DNAH11: variants seen among roughly 807,000 people sequenced by gnomAD.
DNAH11 encodes the protein dynein axonemal heavy chain 11.
Under a neutral mutation model 526.0 loss-of-function variants are expected in DNAH11, and 442 were observed. The ratio of observed to expected loss-of-function variants is 0.84; its 90% CI spans 0.78 to 0.91. The LOEUF is 0.91. Ranked by LOEUF, DNAH11 falls within the 40% of genes least tolerant of loss-of-function variation. The probability of loss-of-function intolerance (pLI) is 0.00; values close to 1 mark genes in which losing one functional copy is unlikely to be tolerated. For synonymous variants in DNAH11, 2,461 were observed against 1,935.9 expected (o/e 1.27, Z -7.12); for missense variants, 6,989 against 5,448.7 (o/e 1.28, Z -8.90).
At chr7:21,645,334 A>G (rs1787306181) in intron 28 of DNAH11, among the ~76,000 whole-genome samples, 2 of 152,224 alleles carry the variant, frequency 1.3e-5, no homozygotes, top group Non-Finnish European at 2.9e-5. Context: ...TCTGGAAACA[A>G]CTAGAAAAGC....
intron 30 of DNAH11, among the ~76,000 whole-genome samples, chr7:21,679,867 A>T (rs959391523): frequency 2.0e-5 from 3 of 152,132 alleles, no homozygotes; most frequent in South Asian, 2.1e-4. Context: ...TTTCTTTTTT[A>T]AAAAATTTTA....
chr7:21,561,844 TAATA>T (rs1783471518), intron 5 of DNAH11, among the ~76,000 whole-genome samples: 1 of 152,198 alleles, frequency 6.6e-6, no homozygotes, highest in Non-Finnish European at 1.5e-5. Flanking sequence ...TGGTTTTAAA[TAATA>T]AAATAGATAA....
At chr7:21,780,206 G>C (rs993689861) in intron 57 of DNAH11, among the ~76,000 whole-genome samples, 1 of 152,104 alleles carries the variant, frequency 6.6e-6, no homozygotes, top group Non-Finnish European at 1.5e-5. Flanking sequence ...TTCCTAATTT[G>C]GGTTGTAAAT....
In DNAH11 at chr7:21,599,958, CA is replaced by C. The variant is rs764168159; in HGVS notation, c.2842del (p.Met948Ter). 1 of 1,613,512 alleles carries C rather than the reference CA, an allele frequency of 6.2e-7. No homozygotes were observed. Among genetic ancestry groups the C allele is most frequent in the Non-Finnish European group, 8.5e-7 (1 of 1,179,706 alleles). ...GAAACCGGCACCGTTTTTTCAAGCA[CA>C]AATGATCTTGTTGCCTCCTGAGATT... ...QLKPAPFFQA[Q>X]MILLPPEIVF... On this transcript the variant is annotated frameshift_variant, in exon 15 of 82. Transcript: ENST00000409508. LOFTEE classifies it high-confidence loss of function.
chr7:21,882,544 C>G (rs1247277833), intron 75 of DNAH11, among the ~76,000 whole-genome samples: 1 of 152,130 alleles, frequency 6.6e-6, no homozygotes, highest in Non-Finnish European at 1.5e-5. Flanking sequence ...GCCTATAATC[C>G]CAGCACTTTG....
intron 35 of DNAH11, 72 bp from the exon 36 acceptor site, chr7:21,698,003 C>A: frequency 1.4e-6 from 2 of 1,469,732 alleles, no homozygotes; most frequent in Non-Finnish European, 1.8e-6. Flanking sequence ...TACGAAATAA[C>A]CACTTGATTT....
chr7:21,636,817 T>C (rs932397186), intron 26 of DNAH11, among the ~76,000 whole-genome samples: 2 of 152,194 alleles, frequency 1.3e-5, no homozygotes, highest in African/African-American at 4.8e-5. Context: ...CCATGCACCA[T>C]AGATTGCCGA....
At chr7:21,780,579 T>TG (rs1300370865) in intron 57 of DNAH11, among the ~76,000 whole-genome samples, 1 of 136,982 alleles carries the variant, frequency 7.3e-6, no homozygotes, top group Non-Finnish European at 1.6e-5. Flanking sequence ...ACTCTAGAGA[T>TG]TTTTTTTTGC....
Position 21,894,767 on chromosome 7 carries a change from A to G in DNAH11, c.12895A>G (p.Ile4299Val). The G allele has an allele frequency of 6.2e-7, 1 of 1,612,612 alleles. No homozygotes were observed. The highest frequency in any genetic ancestry group is 8.5e-7 in the Non-Finnish European group (1 of 1,179,328). The change falls in exon 78 of 82, where the codon ATA becomes GTA. Residue 4299 changes from isoleucine to valine, a missense_variant. Transcript: ENST00000409508. ...GAGGATGAATATTCTCATTCGGGAAATACGTATATCACTTGAACAACTGGA... is the reference window on the plus strand; with the variant it reads ...GAGGATGAATATTCTCATTCGGGAAGTACGTATATCACTTGAACAACTGGA... The part of the protein sequence containing the change: ...CERMNILIRE[I>V]RISLEQLDLS...
At chr7:21,654,773 G>A (rs982120319) in intron 28 of DNAH11, among the ~76,000 whole-genome samples, 2 of 152,132 alleles carry the variant, frequency 1.3e-5, no homozygotes, top group Non-Finnish European at 2.9e-5. Context: ...TCTACCTCAA[G>A]AGAGATGATA....
intron 73 of DNAH11, among the ~76,000 whole-genome samples, chr7:21,871,535 G>A (rs1021122722): frequency 1.3e-5 from 2 of 152,198 alleles, no homozygotes; most frequent in African/African-American, 4.8e-5. Flanking sequence ...AACTTTTCAA[G>A]TAAGGTACTG....
Position 21,738,665 on chromosome 7 carries a change from T to A in DNAH11, c.7646-36T>A, listed in dbSNP as rs1271234076. 4.0e-6 allele frequency: 6 copies of A among 1,514,950 alleles called. No individual in the cohort carries two copies. The African/African-American group carries it at 8.5e-5, about 21-fold the overall frequency. The allele number at this position is 1,514,950 out of a possible 1,614,324, so 93.8% of individuals were successfully genotyped here. A position where few individuals can be genotyped will look rare whatever the true frequency, so the allele number is the denominator to read the frequency against. Reference sequence around the variant, plus strand: ...AATGACTAAATGAACATTTACATTCTGTTGATGGGTGGACAGAAATATATG... The same window carrying A: ...AATGACTAAATGAACATTTACATTCAGTTGATGGGTGGACAGAAATATATG... On this transcript the variant is annotated intron_variant, in intron 46 of 81. Coordinates refer to ENST00000409508, the MANE Select transcript of DNAH11 (RefSeq NM_001277115.2).
chr7:21,850,403 G>A (rs1172866092), intron 66 of DNAH11, among the ~76,000 whole-genome samples: 1 of 150,092 alleles, frequency 6.7e-6, no homozygotes, highest in East Asian at 1.9e-4. Context: ...CTTCATTTTT[G>A]TTACGTTGTT....
At chr7:21,681,491 C>T (rs1783133780) in intron 30 of DNAH11, 55 bp from the exon 31 acceptor site, 2 of 1,565,936 alleles carry the variant, frequency 1.3e-6, no homozygotes, top group African/African-American at 2.7e-5. Context: ...ATTTGGGGCT[C>T]TTAAATTCTG....
chr7:21,667,396 T>A (rs1562740383), intron 30 of DNAH11, among the ~76,000 whole-genome samples: 1 of 152,128 alleles, frequency 6.6e-6, no homozygotes, highest in Non-Finnish European at 1.5e-5. Flanking sequence ...GCATCTCTAT[T>A]GTAGTGGTTG....
At chr7:21,790,745 T>A (rs2127989212) in intron 61 of DNAH11, among the ~76,000 whole-genome samples, 1 of 152,258 alleles carries the variant, frequency 6.6e-6, no homozygotes, top group African/African-American at 2.4e-5. Flanking sequence ...GTTGGGACAC[T>A]TGAAGTGTCC....
Position 21,867,974 on chromosome 7 carries a change from G to T in DNAH11, c.11806G>T (p.Gly3936Trp). 1 of 1,561,274 alleles carries T rather than the reference G, an allele frequency of 6.4e-7. No individual in the cohort carries two copies. Among genetic ancestry groups the T allele is most frequent in the East Asian group, 2.4e-5 (1 of 42,216 alleles). The change falls in exon 72 of 82, where the codon GGG (glycine) becomes TGG (tryptophan). Residue 3936 changes from glycine (G) to tryptophan (W), a missense_variant. Physicochemically the swap from Gly to Trp is radical, Grantham distance 184. Coordinates refer to ENST00000409508, the MANE Select transcript of DNAH11 (RefSeq NM_001277115.2). ...CCCCATATTCTTCATCCTGTCTCCG[G>T]GGGTAGATGCCCTTAAAGACCTGGA... The part of the protein sequence containing the change: ...ATPIFFILSP[G>W]VDALKDLEIL...
chr7:21,543,852 A>T (rs1191760261), intron 1 of DNAH11: 7 of 534,488 alleles, frequency 1.3e-5, no homozygotes, highest in South Asian at 5.1e-5. Flanking sequence ...TTCGACCAGG[A>T]TAACCCAAGA....
intron 7 of DNAH11, among the ~76,000 whole-genome samples, chr7:21,571,292 T>C (rs1266767929): frequency 6.6e-6 from 1 of 152,188 alleles, no homozygotes; most frequent in East Asian, 1.9e-4. Flanking sequence ...TTGTTTTCTT[T>C]TTTTTAGAGA....
Sources: gnomAD v4.1 joint callset for allele counts (sites outside exome capture counted in the v4.1 genomes callset) on GRCh38, gnomAD v4.1.1 for gene constraint, MANE v1.5 for transcripts, NCBI Gene and HGNC (gene_info 2026-07-23, HGNC 2026-07-21) for gene names.